Variants in PRKG1 observed in about 807,000 individuals in gnomAD.
PRKG1 encodes protein kinase cGMP-dependent 1.
In PRKG1, 35 loss-of-function variants were observed where a neutral mutation model predicts 88.1. The observed-to-expected ratio is 0.40, with a 90% CI of 0.30 to 0.53. PRKG1 has a LOEUF of 0.53. Ranked by LOEUF, PRKG1 falls within the 20% of genes least tolerant of loss-of-function variation. The probability of loss-of-function intolerance (pLI) is 0.59; values close to 1 mark genes in which losing one functional copy is unlikely to be tolerated. For missense variants in PRKG1, 540 were observed against 839.8 expected (o/e 0.64, Z 4.41); for synonymous variants, 303 against 292.5 (o/e 1.04, Z -0.37).
chr10:51,934,301 A>C (rs1167382232), intron 5 of PRKG1, among the ~76,000 whole-genome samples: 1 of 147,278 alleles, frequency 6.8e-6, no homozygotes, highest in Non-Finnish European at 1.5e-5. Flanking sequence ...TTTTCAGGTT[A>C]TATTTTGAGT....
intron 3 of PRKG1, among the ~76,000 whole-genome samples, chr10:51,667,163 A>G (rs1205042829): frequency 1.3e-5 from 2 of 152,208 alleles, no homozygotes; most frequent in Non-Finnish European, 2.9e-5. Context: ...TACTGCCAAA[A>G]GCAATATCTC....
chr10:52,021,553 T>C (rs1185693841), intron 5 of PRKG1, among the ~76,000 whole-genome samples: 1 of 152,220 alleles, frequency 6.6e-6, no homozygotes, highest in Non-Finnish European at 1.5e-5. Flanking sequence ...CAGACCAGTA[T>C]ATAAAGTATA....
Position 51,276,714 on chromosome 10 carries a change from A to C in PRKG1, c.478+123384A>C, listed in dbSNP as rs545709562. ...TTTGATTTGCATTTCTCTGATGACC[A>C]GTGATGATGAGCATTTTTTCATGTG... On this transcript the variant is annotated intron_variant, in intron 2 of 17. Coordinates refer to ENST00000373980, the MANE Select transcript of PRKG1 (RefSeq NM_006258.4). Among the ~76,000 whole-genome samples the C allele has an allele frequency of 2.0e-5, 3 of 152,202 alleles. No homozygotes were observed. In the East Asian group the frequency reaches 5.8e-4, roughly 29 times the overall value.
At chr10:51,198,091 C>T (rs1837817518) in intron 2 of PRKG1, among the ~76,000 whole-genome samples, 1 of 151,912 alleles carries the variant, frequency 6.6e-6, no homozygotes, top group Non-Finnish European at 1.5e-5. Context: ...ATATGATTCC[C>T]TGGTCATCAA....
intron 2 of PRKG1, among the ~76,000 whole-genome samples, chr10:51,275,177 C>T (rs1589302304): frequency 6.6e-6 from 1 of 152,282 alleles, no homozygotes; most frequent in East Asian, 1.9e-4. Context: ...CCACACTTGT[C>T]AAAATAAAGT....
chr10:51,682,445 T>A (rs1396000567), intron 3 of PRKG1, among the ~76,000 whole-genome samples: 2 of 152,136 alleles, frequency 1.3e-5, no homozygotes, highest in Non-Finnish European at 2.9e-5. Flanking sequence ...GTAGAAGTCC[T>A]CATAGCTGAT....
chr10:51,647,172 G>A (rs1839936001), intron 3 of PRKG1, among the ~76,000 whole-genome samples: 2 of 151,708 alleles, frequency 1.3e-5, no homozygotes, highest in South Asian at 2.1e-4. Context: ...AAAAAACTGG[G>A]GTGAAGCATA....
At chr10:52,240,446 C>T (rs772172814) in intron 9 of PRKG1, among the ~76,000 whole-genome samples, 1 of 152,170 alleles carries the variant, frequency 6.6e-6, no homozygotes, top group Non-Finnish European at 1.5e-5. Flanking sequence ...GAAAACGGAC[C>T]ATAAGTATAA....
At chr10:51,627,944 TTCTTTCTTTCTTTCTTTCTTTCTTTC>T (rs1313839107) in intron 3 of PRKG1, among the ~76,000 whole-genome samples, 1 of 41,754 alleles carries the variant, frequency 2.4e-5, no homozygotes, top group African/African-American at 7.2e-5. Context: ...CTTCCTTCCT[TTCTTTCTTTCTTTCTTTCTTTCTTTC>T]TCTTTCTTTC....
At chr10:52,021,228 T>TGGC (rs1564433051) in intron 5 of PRKG1, among the ~76,000 whole-genome samples, 1 of 152,188 alleles carries the variant, frequency 6.6e-6, no homozygotes, top group Non-Finnish European at 1.5e-5. Context: ...TAAGGAAGTG[T>TGGC]GGCACTTGAG....
chr10:51,752,220 CT>C (rs1564633096), intron 3 of PRKG1, among the ~76,000 whole-genome samples: 2 of 152,096 alleles, frequency 1.3e-5, no homozygotes, highest in African/African-American at 4.8e-5. Flanking sequence ...CCTTTTAGTA[CT>C]TGTGTCACTT....
At chr10:51,883,889 T>C (rs1841496417) in intron 4 of PRKG1, among the ~76,000 whole-genome samples, 1 of 152,162 alleles carries the variant, frequency 6.6e-6, no homozygotes, top group Admixed American at 6.5e-5. Context: ...GCTTTAAGAC[T>C]GTCAGTAGAA....
chr10:51,687,784 TACA>T (rs1434785437), intron 3 of PRKG1, among the ~76,000 whole-genome samples: 1 of 152,160 alleles, frequency 6.6e-6, no homozygotes, highest in Admixed American at 6.5e-5. Context: ...ACCAATTCAA[TACA>T]ACTTCTTCTC....
At chr10:52,166,798 C>CATATATATACGTATATATATGT (rs1564498379) in intron 9 of PRKG1, among the ~76,000 whole-genome samples, 6 of 96,772 alleles carry the variant, frequency 6.2e-5, no homozygotes, top group African/African-American at 3.3e-4. Context: ...TATATATATA[C>CATATATATACGTATATATATGT]ATATATATAT....
intron 1 of PRKG1, among the ~76,000 whole-genome samples, chr10:51,051,740 C>T (rs747687815): frequency 6.6e-6 from 1 of 151,968 alleles, no homozygotes; most frequent in Non-Finnish European, 1.5e-5. Context: ...TTTATAATTC[C>T]CCATAATACA....
At chr10:51,363,893 A>G (rs1842537448) in intron 2 of PRKG1, among the ~76,000 whole-genome samples, 1 of 152,002 alleles carries the variant, frequency 6.6e-6, no homozygotes, top group African/African-American at 2.4e-5. Flanking sequence ...TTAGAGTGAG[A>G]ATGTGCATAC....
chr10:51,149,551 A>T (rs1441193041), intron 1 of PRKG1, among the ~76,000 whole-genome samples: 1 of 152,152 alleles, frequency 6.6e-6, no homozygotes. Context: ...TGAACATTTG[A>T]AAGAACTATT....
chr10:51,330,052 C>T (rs1399868419), intron 2 of PRKG1, among the ~76,000 whole-genome samples: 1 of 148,974 alleles, frequency 6.7e-6, no homozygotes, highest in Non-Finnish European at 1.5e-5. Context: ...ATGTTCTAAC[C>T]CCTTTATCTT....
In PRKG1 at chr10:51,345,636, A is replaced by G. The variant is rs113789291; in HGVS notation, c.479-122087A>G. On this transcript the variant is annotated intron_variant, in intron 2 of 17. Coordinates refer to ENST00000373980, the MANE Select transcript of PRKG1 (RefSeq NM_006258.4). ...CCCATACATAATCTCATTTGGAACA[A>G]GCAAACAACATAAAACAGGCAAGGA... Among the ~76,000 whole-genome samples the G allele has an allele frequency of 5.2e-3, 789 of 152,354 alleles. 6 individuals carry two copies. The highest frequency in any genetic ancestry group is 5.5e-3 in the Non-Finnish European group (375 of 68,040).
Sources: allele counts gnomAD v4.1 joint callset (sites outside exome capture counted in the v4.1 genomes callset), GRCh38; gene constraint gnomAD v4.1.1; transcripts MANE v1.5; gene names NCBI Gene and HGNC (gene_info 2026-07-23, HGNC 2026-07-21).